The following TMEM272 variants were observed in gnomAD, a reference collection of about 807,000 sequenced individuals.
TMEM272 encodes long intergenic non-protein coding RNA 282.
A neutral mutation model predicts 3.7 loss-of-function variants in TMEM272; 8 were observed. The observed-to-expected ratio is 2.17, with a 90% CI of 1.27 to 3.91. The LOEUF (loss-of-function observed/expected upper bound fraction) is 3.91, where lower values mean the gene tolerates loss of function less well. TMEM272 is among the 30% of genes most tolerant of loss of function. The pLI is 0.00. For missense variants in TMEM272, 166 were observed against 91.5 expected (o/e 1.81, Z -3.32); for synonymous variants, 63 against 39.8 (o/e 1.58, Z -2.20).
At chr13:51,876,137 C>T in the TMEM272 span, among the ~76,000 whole-genome samples, 1 of 152,208 alleles carries the variant, frequency 6.6e-6, no homozygotes, top group African/African-American at 2.4e-5. Flanking sequence ...AAAAAAGGAA[C>T]AAATGTCACT....
chr13:51,827,700 T>C (rs116397564), intron 2 of TMEM272, among the ~76,000 whole-genome samples: 1,572 of 152,160 alleles, frequency 0.01, 31 homozygotes, highest in African/African-American at 0.036. Flanking sequence ...CCTCTCTAGG[T>C]CATCACCTTA....
At chr13:51,883,816 A>C in the TMEM272 span, among the ~76,000 whole-genome samples, 1 of 152,182 alleles carries the variant, frequency 6.6e-6, no homozygotes, top group Non-Finnish European at 1.5e-5. Flanking sequence ...TTGTGCCTAC[A>C]CCTGGCTTGT....
At chr13:51,863,872 A>G in the TMEM272 span, among the ~76,000 whole-genome samples, 1 of 152,196 alleles carries the variant, frequency 6.6e-6, no homozygotes, top group African/African-American at 2.4e-5. Flanking sequence ...CAGAAAGCAC[A>G]AAATGGAAAA....
the TMEM272 span, among the ~76,000 whole-genome samples, chr13:51,861,460 A>C: frequency 5.9e-5 from 9 of 152,322 alleles, no homozygotes; most frequent in South Asian, 1.7e-3. Flanking sequence ...GTTGAAAATG[A>C]AAAATTAAAG....
chr13:51,907,762 C>T, the TMEM272 span, among the ~76,000 whole-genome samples: 15 of 152,260 alleles, frequency 9.9e-5, no homozygotes, highest in African/African-American at 3.4e-4. Flanking sequence ...CAGTGGTAAT[C>T]GACACTTGAT....
the TMEM272 span, among the ~76,000 whole-genome samples, chr13:51,912,541 C>T: frequency 2.0e-5 from 3 of 152,300 alleles, no homozygotes; most frequent in Admixed American, 6.5e-5. Flanking sequence ...TCCCTCTAAA[C>T]GCCTTTCTCT....
At chr13:51,841,453 C>T (rs1053411439) in intron 1 of TMEM272, among the ~76,000 whole-genome samples, 21 of 152,206 alleles carry the variant, frequency 1.4e-4, no homozygotes, top group African/African-American at 4.3e-4. Flanking sequence ...TCCACAGCAG[C>T]TTTGCAGAAA....
the TMEM272 span, among the ~76,000 whole-genome samples, chr13:51,863,411 T>C: frequency 6.6e-6 from 1 of 152,238 alleles, no homozygotes; most frequent in Admixed American, 6.5e-5. Flanking sequence ...GTAAGATCAA[T>C]ACAGAGAGCA....
chr13:51,897,496 G>A, the TMEM272 span, among the ~76,000 whole-genome samples: 1 of 149,280 alleles, frequency 6.7e-6, no homozygotes, highest in South Asian at 2.1e-4. Context: ...TTACAGGCAT[G>A]AGCCACTGTG....
intron 1 of TMEM272, among the ~76,000 whole-genome samples, chr13:51,839,370 C>T (rs1007708208): frequency 2.6e-5 from 4 of 152,156 alleles, no homozygotes; most frequent in African/African-American, 9.7e-5. Context: ...TCACTTTGTT[C>T]CTGAGGCTGG....
the TMEM272 span, among the ~76,000 whole-genome samples, chr13:51,857,677 TTTAA>T: frequency 2.6e-5 from 4 of 151,986 alleles, no homozygotes; most frequent in East Asian, 1.9e-4. Flanking sequence ...AATAAAATTA[TTTAA>T]TTAATCCAAA....
the TMEM272 span, chr13:51,865,904 G>T: frequency 1.9e-6 from 3 of 1,613,946 alleles, no homozygotes; most frequent in Non-Finnish European, 2.5e-6. Context: ...GGGGGAGAAA[G>T]CCCTGTGGGA....
chr13:51,871,666 C>T, the TMEM272 span, among the ~76,000 whole-genome samples: 1 of 152,246 alleles, frequency 6.6e-6, no homozygotes, highest in East Asian at 1.9e-4. Flanking sequence ...TAGAACCACC[C>T]AGCTAACCTG....
At chr13:51,888,741 G>A in the TMEM272 span, among the ~76,000 whole-genome samples, 1 of 134,894 alleles carries the variant, frequency 7.4e-6, no homozygotes, top group Admixed American at 8.9e-5. Context: ...TGCCTTCCAG[G>A]TTCAAGCGAT....
the TMEM272 span, among the ~76,000 whole-genome samples, chr13:51,875,374 G>T: frequency 2.0e-5 from 3 of 152,032 alleles, no homozygotes; most frequent in Non-Finnish European, 4.4e-5. Context: ...ACTTTCATAT[G>T]CCTTTCCCTT....
the TMEM272 span, among the ~76,000 whole-genome samples, chr13:51,853,282 T>C: frequency 6.6e-6 from 1 of 152,038 alleles, no homozygotes; most frequent in Non-Finnish European, 1.5e-5. Flanking sequence ...TCGTGGCGCA[T>C]GCCAGTAGTC....
the TMEM272 span, among the ~76,000 whole-genome samples, chr13:51,864,561 T>C: frequency 6.6e-6 from 1 of 152,244 alleles, no homozygotes; most frequent in Admixed American, 6.5e-5. Flanking sequence ...CCATGCTGTC[T>C]GCCATGTGGA....
At chr13:51,864,797 C>T in the TMEM272 span, among the ~76,000 whole-genome samples, 1 of 152,154 alleles carries the variant, frequency 6.6e-6, no homozygotes, top group Non-Finnish European at 1.5e-5. Flanking sequence ...GGTCCATGTC[C>T]CTGGAAACAT....
upstream of TMEM272, among the ~76,000 whole-genome samples, chr13:51,848,217 A>G (rs1029078107): frequency 1.3e-5 from 2 of 152,178 alleles, no homozygotes; most frequent in African/African-American, 4.8e-5. Context: ...ATGTGAGTGG[A>G]AGACCACCAC....
Sources: gnomAD v4.1 joint callset for allele counts (sites outside exome capture counted in the v4.1 genomes callset) on GRCh38, gnomAD v4.1.1 for gene constraint, MANE v1.5 for transcripts, NCBI Gene and HGNC (gene_info 2026-07-23, HGNC 2026-07-21) for gene names.